The following SNW1 variants were observed in gnomAD, a reference collection of about 807,000 sequenced individuals.
The protein encoded by SNW1 is SNW domain-containing protein 1.
A neutral mutation model predicts 75.6 loss-of-function variants in SNW1; 9 were observed. The observed-to-expected ratio is 0.12, with a 90% confidence interval of 0.07 to 0.21. The LOEUF is 0.21. Ranked by LOEUF, SNW1 falls within the 10% of genes least tolerant of loss-of-function variation. The pLI, the probability that SNW1 is intolerant of heterozygous loss-of-function variation, is 1.00. For synonymous variants in SNW1, 200 were observed against 219.1 expected (o/e 0.91, Z 0.77); for missense variants, 409 against 670.9 (o/e 0.61, Z 4.31).
chr14:77,754,508 A>C (rs963541351), intron 2 of SNW1, among the ~76,000 whole-genome samples: 1 of 152,168 alleles, frequency 6.6e-6, no homozygotes, highest in African/African-American at 2.4e-5. Flanking sequence ...AAGGTAAGAA[A>C]ACAGGTGAAG....
At chr14:77,750,964 G>A (rs1306623466) in intron 3 of SNW1, among the ~76,000 whole-genome samples, 2 of 152,152 alleles carry the variant, frequency 1.3e-5, no homozygotes, top group Non-Finnish European at 2.9e-5. Context: ...GAAACTACAG[G>A]ATAAATTAAA....
In SNW1 at chr14:77,735,059, A is replaced by G. The variant is rs530922726; in HGVS notation, c.709-47T>C. 16 of 1,344,142 alleles carry G rather than the reference A, an allele frequency of 1.2e-5. 1 individual carries two copies. In the South Asian group the frequency reaches 1.8e-4, roughly 15 times the overall value. 83.3% of individuals were successfully genotyped at this position (1,344,142 alleles called of 1,614,324 possible). ...AGACAAGTTTAGATTTATAGTCTACAAAGTAAATCTAAGTATAATCTTTAT... is the reference window on the plus strand; with the variant it reads ...AGACAAGTTTAGATTTATAGTCTACGAAGTAAATCTAAGTATAATCTTTAT... On this transcript the variant is annotated intron_variant, in intron 7 of 13. Transcript: ENST00000261531.
Position 77,732,619 on chromosome 14 carries a change from A to G in SNW1, c.775-18T>C. The G allele has an allele frequency of 7.5e-7, 1 of 1,328,358 alleles. No homozygotes were observed. The highest frequency in any genetic ancestry group is 1.1e-6 in the Non-Finnish European group (1 of 929,658). The allele number at this position is 1,328,358 out of a possible 1,614,324, so 82.3% of individuals were successfully genotyped here. A position where few individuals can be genotyped will look rare whatever the true frequency, so the allele number is the denominator to read the frequency against. On this transcript the variant is annotated intron_variant, in intron 8 of 13. Coordinates refer to ENST00000261531, the MANE Select transcript of SNW1 (RefSeq NM_012245.3). ...GTATAACCCTAGAGTGAAAGCAGAC[A>G]GAAAACCCAGTCACAGAAGTGCTTC...
intron 1 of SNW1, among the ~76,000 whole-genome samples, chr14:77,756,394 A>T (rs747640831): frequency 4.6e-5 from 7 of 151,798 alleles, no homozygotes; most frequent in Non-Finnish European, 1.5e-5. Flanking sequence ...CTCCCAAAGT[A>T]CTGGGATTAC....
chr14:77,737,090 T>C lies in SNW1; in HGVS notation c.534-15A>G, dbSNP rs2080678815. The C allele has an allele frequency of 1.9e-6, 3 of 1,580,628 alleles. No homozygotes were observed. Among genetic ancestry groups the C allele is most frequent in the Non-Finnish European group, 2.6e-6 (3 of 1,150,360 alleles). On this transcript the variant is annotated splice_polypyrimidine_tract_variant and intron_variant, in intron 5 of 13. Coordinates refer to ENST00000261531, the MANE Select transcript of SNW1 (RefSeq NM_012245.3). ...ATGGTGTGTATCTGAAGAAAGCAGA[T>C]AAAAACTAAAGGTGTAATTAGTTCA...
intron 11 of SNW1, 47 bp from the exon 12 acceptor site, chr14:77,720,875 G>T: frequency 8.7e-7 from 1 of 1,149,724 alleles, no homozygotes; most frequent in Non-Finnish European, 1.3e-6. Context: ...TTATAGACAA[G>T]CTGAATATGT....
intron 12 of SNW1, among the ~76,000 whole-genome samples, chr14:77,720,073 A>C (rs2080526538): frequency 6.6e-6 from 1 of 152,252 alleles, no homozygotes; most frequent in Non-Finnish European, 1.5e-5. Context: ...TTTTTAAAAG[A>C]ATCCCAAATT....
intron 10 of SNW1, among the ~76,000 whole-genome samples, chr14:77,727,556 G>A (rs911383134): frequency 6.6e-6 from 1 of 152,096 alleles, no homozygotes; most frequent in Admixed American, 6.6e-5. Flanking sequence ...TTTTAGTTAT[G>A]TTCCTTCTAA....
At chr14:77,758,761 T>G (rs2080862265) in intron 1 of SNW1, among the ~76,000 whole-genome samples, 1 of 152,232 alleles carries the variant, frequency 6.6e-6, no homozygotes, top group Non-Finnish European at 1.5e-5. Flanking sequence ...TTTCTCCTAT[T>G]ATTTCACTCA....
intron 10 of SNW1, among the ~76,000 whole-genome samples, chr14:77,724,869 C>T (rs1456196938): frequency 6.6e-6 from 1 of 152,194 alleles, no homozygotes; most frequent in Non-Finnish European, 1.5e-5. Flanking sequence ...ATATACCCAG[C>T]AGTGAATTGC....
chr14:77,756,935 C>A (rs1016582792), intron 1 of SNW1, among the ~76,000 whole-genome samples: 2 of 152,094 alleles, frequency 1.3e-5, no homozygotes, highest in African/African-American at 4.8e-5. Context: ...AAAGCAGAAG[C>A]CCTGAAGATG....
At chr14:77,759,234 T>C (rs1169779507) in intron 1 of SNW1, among the ~76,000 whole-genome samples, 3 of 152,200 alleles carry the variant, frequency 2.0e-5, no homozygotes, top group Admixed American at 2.0e-4. Flanking sequence ...GGCCAGATGA[T>C]GTGGTGGCTC....
chr14:77,724,887 C>T (rs1337009865), intron 10 of SNW1, among the ~76,000 whole-genome samples: 1 of 152,160 alleles, frequency 6.6e-6, no homozygotes, highest in Non-Finnish European at 1.5e-5. Flanking sequence ...TGCTGGATCA[C>T]GTAGTGGCTC....
chr14:77,730,158 T>C (rs932334583), intron 10 of SNW1, among the ~76,000 whole-genome samples: 3 of 152,244 alleles, frequency 2.0e-5, no homozygotes, highest in Non-Finnish European at 2.9e-5. Context: ...GTATTTCTGC[T>C]AACAGCACCA....
chr14:77,731,565 A>G (rs1268356346), intron 9 of SNW1, among the ~76,000 whole-genome samples: 4 of 152,348 alleles, frequency 2.6e-5, no homozygotes, highest in African/African-American at 7.2e-5. Flanking sequence ...TTCAAAATTA[A>G]TAACACTTTC....
At position 77,747,606 on chromosome 14, in the gene SNW1, ACCCC is replaced by A. The variant is rs2080771738; in HGVS notation, c.330+3709_330+3712del. Among the ~76,000 whole-genome samples the A allele has an allele frequency of 2.1e-5, 3 of 141,930 alleles. No individual in the cohort carries two copies. The South Asian group carries it at 6.9e-4, about 33-fold the overall frequency. 93.1% of individuals were successfully genotyped at this position (141,930 alleles called of 152,430 possible). A position where few individuals can be genotyped will look rare whatever the true frequency, so the allele number is the denominator to read the frequency against. On this transcript the variant is annotated intron_variant, in intron 3 of 13. Transcript: ENST00000261531. ...AGGTGAGGAGCGTCTCTGCCCGGCC[ACCCC>A]GTCTGAGAAGGGAAGAGCCCCTCCG...
At chr14:77,753,649 T>C (rs2080823643) in intron 2 of SNW1, among the ~76,000 whole-genome samples, 1 of 152,110 alleles carries the variant, frequency 6.6e-6, no homozygotes, top group Non-Finnish European at 1.5e-5. Flanking sequence ...GTTCCTCTTA[T>C]AAACTCTAAT....
At chr14:77,753,497 A>G (rs548499928) in intron 2 of SNW1, among the ~76,000 whole-genome samples, 93 of 152,212 alleles carry the variant, frequency 6.1e-4, no homozygotes, top group Non-Finnish European at 1.2e-3. Flanking sequence ...AAAAGCAACA[A>G]AAATCCCTTA....
intron 10 of SNW1, among the ~76,000 whole-genome samples, chr14:77,725,598 A>T (rs542605338): frequency 6.6e-6 from 1 of 152,270 alleles, no homozygotes; most frequent in South Asian, 2.1e-4. Flanking sequence ...CCTTTCCCCA[A>T]TGTATGCTTT....
Sources: allele counts gnomAD v4.1 joint callset (sites outside exome capture counted in the v4.1 genomes callset), GRCh38; gene constraint gnomAD v4.1.1; transcripts MANE v1.5; gene names NCBI Gene and HGNC (gene_info 2026-07-23, HGNC 2026-07-21).